Variants in CACNA2D3 observed in about 807,000 individuals in gnomAD.
CACNA2D3 encodes the protein calcium voltage-gated channel auxiliary subunit alpha2delta 3, also known as voltage-dependent calcium channel subunit alpha-2/delta-3.
In CACNA2D3, 60 loss-of-function variants were observed where a neutral mutation model predicts 160.6. The observed-to-expected ratio is 0.37, with a 90% CI of 0.30 to 0.46. The LOEUF is 0.46. CACNA2D3 is among the 20% of genes least tolerant of loss of function. CACNA2D3 has a pLI of 1.00. For synonymous variants in CACNA2D3, 558 were observed against 492.9 expected, an observed-to-expected ratio of 1.13 and a Z score of -1.75; for missense variants, 1,205 against 1,365.0, an observed-to-expected ratio of 0.88 and a Z score of 1.85.
intron 25 of CACNA2D3, 184 bp from the exon 26 acceptor site, chr3:54,896,565 G>A: frequency 1.6e-6 from 1 of 611,922 alleles, no homozygotes. Context: ...CCAGAGCTCT[G>A]CAAGATGTTT....
chr3:54,899,724 T>C (rs969466367), intron 26 of CACNA2D3, 64 bp from the exon 27 acceptor site: 5 of 1,193,338 alleles, frequency 4.2e-6, no homozygotes, highest in South Asian at 1.3e-5. Context: ...CCGATATGAT[T>C]ACTCTCTTAA....
chr3:54,940,312 C>A (rs937609203), intron 27 of CACNA2D3, among the ~76,000 whole-genome samples: 2 of 152,168 alleles, frequency 1.3e-5, no homozygotes, highest in African/African-American at 4.8e-5. Flanking sequence ...GAATAGGGAG[C>A]AACTGTCTTC....
intron 9 of CACNA2D3, among the ~76,000 whole-genome samples, chr3:54,598,016 G>A (rs767498283): frequency 3.3e-5 from 5 of 151,888 alleles, no homozygotes; most frequent in Admixed American, 2.0e-4. Flanking sequence ...GGGGCTGGGC[G>A]TGGTGGCTCA....
chr3:54,571,612 A>AGTGTGTGT (rs58652360), intron 8 of CACNA2D3, among the ~76,000 whole-genome samples: 48 of 136,312 alleles, frequency 3.5e-4, no homozygotes, highest in East Asian at 2.7e-3. Flanking sequence ...CACTTAACCA[A>AGTGTGTGT]GTGTGTGTGT....
At chr3:54,716,327 T>C (rs1267069394) in intron 11 of CACNA2D3, among the ~76,000 whole-genome samples, 1 of 152,050 alleles carries the variant, frequency 6.6e-6, no homozygotes, top group Non-Finnish European at 1.5e-5. Flanking sequence ...CAGTAGTATG[T>C]GTGGCCGATA....
chr3:55,033,845 TAC>T (rs1374486835), intron 35 of CACNA2D3, among the ~76,000 whole-genome samples: 9 of 113,154 alleles, frequency 8.0e-5, no homozygotes, highest in South Asian at 2.4e-4. Context: ...TAATATATAT[TAC>T]ATATTAAATA....
intron 4 of CACNA2D3, among the ~76,000 whole-genome samples, chr3:54,405,388 A>T (rs1699557115): frequency 6.6e-6 from 1 of 152,114 alleles, no homozygotes; most frequent in African/African-American, 2.4e-5. Flanking sequence ...GACTTGTAGA[A>T]TAGGATAGAG....
chr3:54,892,974 A>G (rs1700101871), intron 25 of CACNA2D3, among the ~76,000 whole-genome samples: 1 of 152,164 alleles, frequency 6.6e-6, no homozygotes, highest in African/African-American at 2.4e-5. Flanking sequence ...TACTGTGAAG[A>G]TCAAAAAAAA....
At chr3:54,286,308 C>A (rs1243926905) in intron 2 of CACNA2D3, among the ~76,000 whole-genome samples, 1 of 152,040 alleles carries the variant, frequency 6.6e-6, no homozygotes, top group African/African-American at 2.4e-5. Flanking sequence ...CGGATGCGAT[C>A]AACTGGAAGA....
chr3:54,243,189 G>A (rs1702005994), intron 2 of CACNA2D3, among the ~76,000 whole-genome samples: 1 of 152,148 alleles, frequency 6.6e-6, no homozygotes, highest in African/African-American at 2.4e-5. Flanking sequence ...TGTTCTTGTG[G>A]AGTCCTGGAA....
At chr3:54,444,787 C>T (rs972524595) in intron 4 of CACNA2D3, among the ~76,000 whole-genome samples, 2 of 152,188 alleles carry the variant, frequency 1.3e-5, no homozygotes, top group African/African-American at 4.8e-5. Context: ...GCTTATGAGT[C>T]CTTACTCAGA....
At chr3:54,422,831 CACTA>C (rs1304997677) in intron 4 of CACNA2D3, among the ~76,000 whole-genome samples, 6 of 152,068 alleles carry the variant, frequency 3.9e-5, no homozygotes, top group South Asian at 2.1e-4. Flanking sequence ...CCTACAGAAA[CACTA>C]ACTAACACAT....
intron 14 of CACNA2D3, among the ~76,000 whole-genome samples, chr3:54,828,806 T>C (rs961191665): frequency 6.6e-6 from 1 of 152,178 alleles, no homozygotes; most frequent in Non-Finnish European, 1.5e-5. Context: ...GAATATGGAA[T>C]CTCCAGATCT....
At chr3:54,745,062 T>TGAAG (rs1311379630) in intron 11 of CACNA2D3, among the ~76,000 whole-genome samples, 1 of 152,228 alleles carries the variant, frequency 6.6e-6, no homozygotes, top group African/African-American at 2.4e-5. Context: ...ATGATTGTCA[T>TGAAG]GAAGGAAGAA....
At chr3:54,384,421 G>A (rs542751314) in intron 3 of CACNA2D3, among the ~76,000 whole-genome samples, 1 of 152,262 alleles carries the variant, frequency 6.6e-6, no homozygotes, top group Non-Finnish European at 1.5e-5. Context: ...AAGAGAATAT[G>A]CTCTCAGAAA....
At chr3:54,369,129 A>G (rs924402090) in intron 3 of CACNA2D3, among the ~76,000 whole-genome samples, 2 of 152,146 alleles carry the variant, frequency 1.3e-5, no homozygotes, top group Admixed American at 1.3e-4. Flanking sequence ...ATCAGTGTCT[A>G]AGGGATCTGA....
chr3:54,871,008 C>G (rs940599260), intron 17 of CACNA2D3, among the ~76,000 whole-genome samples: 1 of 151,672 alleles, frequency 6.6e-6, no homozygotes, highest in African/African-American at 2.4e-5. Flanking sequence ...GAAGCCCTTT[C>G]TCGTATCACG....
intron 8 of CACNA2D3, among the ~76,000 whole-genome samples, chr3:54,573,733 A>C (rs1263922681): frequency 6.6e-6 from 1 of 152,222 alleles, no homozygotes; most frequent in Non-Finnish European, 1.5e-5. Context: ...TAATGTTTAC[A>C]CAGTTACCAA....
At chr3:54,416,024 T>C (rs1339425525) in intron 4 of CACNA2D3, among the ~76,000 whole-genome samples, 1 of 152,218 alleles carries the variant, frequency 6.6e-6, no homozygotes, top group Non-Finnish European at 1.5e-5. Context: ...AAAAAACCCC[T>C]CTAAATTAGA....
Sources: allele counts gnomAD v4.1 joint callset (sites outside exome capture counted in the v4.1 genomes callset), GRCh38; gene constraint gnomAD v4.1.1; transcripts MANE v1.5; gene names NCBI Gene and HGNC (gene_info 2026-07-23, HGNC 2026-07-21).